The following KHDRBS3 variants were observed in gnomAD, a reference collection of about 807,000 sequenced individuals.
KHDRBS3 encodes KH RNA binding domain containing, signal transduction associated 3.
In KHDRBS3, 23 loss-of-function variants were observed where a neutral mutation model predicts 45.6. That is an observed-to-expected ratio of 0.50 (90% confidence interval 0.36 to 0.72). The LOEUF (loss-of-function observed/expected upper bound fraction) is 0.72. Ranked by LOEUF, KHDRBS3 falls within the 30% of genes least tolerant of loss-of-function variation. The pLI is 0.00. For synonymous variants in KHDRBS3, 162 were observed against 156.5 expected, an observed-to-expected ratio of 1.04 and a Z score of -0.26; for missense variants, 352 against 424.8, an observed-to-expected ratio of 0.83 and a Z score of 1.51.
intron 5 of KHDRBS3, among the ~76,000 whole-genome samples, chr8:135,565,950 G>A (rs765033935): frequency 7.9e-5 from 12 of 152,158 alleles, no homozygotes; most frequent in Non-Finnish European, 1.6e-4. Context: ...CCAAAGATTA[G>A]TTTTTTGCCT....
intron 7 of KHDRBS3, among the ~76,000 whole-genome samples, chr8:135,621,734 T>C (rs923300466): frequency 4.0e-5 from 6 of 150,016 alleles, no homozygotes; most frequent in African/African-American, 1.5e-4. Context: ...AGTGGTCCTA[T>C]GAAGAGATTG....
intron 6 of KHDRBS3, among the ~76,000 whole-genome samples, chr8:135,587,952 GT>G (rs1467780312): frequency 9.2e-5 from 14 of 152,294 alleles, no homozygotes; most frequent in African/African-American, 3.1e-4. Flanking sequence ...AAGGAAAACT[GT>G]TTCCTCTTTA....
At chr8:135,582,974 T>C (rs1828288030) in intron 6 of KHDRBS3, among the ~76,000 whole-genome samples, 1 of 152,228 alleles carries the variant, frequency 6.6e-6, no homozygotes, top group Admixed American at 6.5e-5. Flanking sequence ...TAAGTTTTTG[T>C]AATTCCCTGA....
At chr8:135,511,089 C>T (rs965675808) in intron 1 of KHDRBS3, among the ~76,000 whole-genome samples, 1 of 152,082 alleles carries the variant, frequency 6.6e-6, no homozygotes, top group East Asian at 1.9e-4. Flanking sequence ...TTTTCTCACC[C>T]CAAATCAAGA....
intron 7 of KHDRBS3, among the ~76,000 whole-genome samples, chr8:135,618,151 C>T (rs1829993911): frequency 1.3e-5 from 2 of 152,148 alleles, no homozygotes; most frequent in Non-Finnish European, 2.9e-5. Context: ...CATTGAGAGC[C>T]TTAAAAATAT....
At chr8:135,630,975 G>A (rs1182541789) in intron 7 of KHDRBS3, among the ~76,000 whole-genome samples, 3 of 151,992 alleles carry the variant, frequency 2.0e-5, no homozygotes, top group African/African-American at 7.3e-5. Flanking sequence ...TCGGCCGGGC[G>A]CGGTGGCTCA....
intron 2 of KHDRBS3, among the ~76,000 whole-genome samples, chr8:135,527,956 T>A (rs966332638): frequency 4.6e-5 from 7 of 152,218 alleles, no homozygotes; most frequent in African/African-American, 1.7e-4. Context: ...CATTTTCCAT[T>A]TTTTGGGCAA....
At chr8:135,545,788 A>G (rs1409512851) in intron 3 of KHDRBS3, among the ~76,000 whole-genome samples, 1 of 152,138 alleles carries the variant, frequency 6.6e-6, no homozygotes, top group East Asian at 1.9e-4. Context: ...CATTCTTTCA[A>G]AAGCATTTTA....
chr8:135,575,838 T>C (rs926454837), intron 5 of KHDRBS3, among the ~76,000 whole-genome samples: 1 of 152,224 alleles, frequency 6.6e-6, no homozygotes, highest in African/African-American at 2.4e-5. Context: ...TTATTGACAA[T>C]ACTGGCACAG....
At chr8:135,621,135 AG>A (rs557085724) in intron 7 of KHDRBS3, among the ~76,000 whole-genome samples, 1 of 106,750 alleles carries the variant, frequency 9.4e-6, no homozygotes, top group Admixed American at 1.1e-4. Flanking sequence ...CTTAAAAAAA[AG>A]GGGGGGAGGA....
At chr8:135,475,695 A>G (rs1023262383) in intron 1 of KHDRBS3, among the ~76,000 whole-genome samples, 1 of 152,128 alleles carries the variant, frequency 6.6e-6, no homozygotes, top group Non-Finnish European at 1.5e-5. Flanking sequence ...ATAATTATTA[A>G]TAATAATGAT....
chr8:135,479,605 C>T (rs1260714857), intron 1 of KHDRBS3, among the ~76,000 whole-genome samples: 1 of 152,182 alleles, frequency 6.6e-6, no homozygotes, highest in Non-Finnish European at 1.5e-5. Flanking sequence ...TATGTGTCCT[C>T]ACATGGTAGA....
chr8:135,494,306 T>C (rs1344995166), intron 1 of KHDRBS3, among the ~76,000 whole-genome samples: 1 of 131,044 alleles, frequency 7.6e-6, no homozygotes, highest in Non-Finnish European at 1.6e-5. Flanking sequence ...TGAGACAGAG[T>C]CTCACTCTGT....
At chr8:135,648,787 T>G (rs917887678), downstream of KHDRBS3, among the ~76,000 whole-genome samples, 2 of 152,156 alleles carry the variant, frequency 1.3e-5, no homozygotes, top group African/African-American at 4.8e-5. Flanking sequence ...CCCAGGAAGC[T>G]TCATTATAAG....
chr8:135,546,856 G>T (rs920437346), intron 3 of KHDRBS3, among the ~76,000 whole-genome samples: 6 of 152,066 alleles, frequency 3.9e-5, no homozygotes, highest in Non-Finnish European at 5.9e-5. Flanking sequence ...CTGTAGAGTA[G>T]TTTGGTAATA....
At chr8:135,589,180 T>C (rs553996905) in intron 6 of KHDRBS3, among the ~76,000 whole-genome samples, 1 of 152,276 alleles carries the variant, frequency 6.6e-6, no homozygotes, top group East Asian at 1.9e-4. Flanking sequence ...CAGACAGAGG[T>C]TGCCATAGCC....
chr8:135,535,176 A>G (rs1825672771), intron 2 of KHDRBS3, among the ~76,000 whole-genome samples: 1 of 151,268 alleles, frequency 6.6e-6, no homozygotes, highest in Non-Finnish European at 1.5e-5. Flanking sequence ...GTTGTGTGAA[A>G]ATCATATAGT....
intron 6 of KHDRBS3, among the ~76,000 whole-genome samples, chr8:135,584,219 C>T (rs1198270043): frequency 6.6e-6 from 1 of 152,236 alleles, no homozygotes; most frequent in Non-Finnish European, 1.5e-5. Context: ...AGTGCTCTTT[C>T]TGTCACATGG....
rs34118572 is a variant in KHDRBS3 at position 135,647,245 on chromosome 8, G to GAAAAA, written c.*172_*176dup. ...CTTTGTTGAAACATCAACCTGGGCA[G>GAAAAA]AAAAAAAAAAAAAAAGACATGTAAA... is the stretch of plus-strand genomic sequence containing the variant. On this transcript the variant is annotated 3_prime_UTR_variant, in exon 9 of 9. Transcript: ENST00000355849. The GAAAAA allele has an allele frequency of 2.1e-5, 4 of 194,194 alleles. No individual in the cohort carries two copies. The highest frequency in any genetic ancestry group is 6.6e-5 in the Admixed American group (1 of 15,102). The allele number at this position is 194,194 out of a possible 1,614,324, so 12.0% of individuals were successfully genotyped here. A position where few individuals can be genotyped will look rare whatever the true frequency, so the allele number is the denominator to read the frequency against.
Sources: allele counts gnomAD v4.1 joint callset (sites outside exome capture counted in the v4.1 genomes callset), GRCh38; gene constraint gnomAD v4.1.1; transcripts MANE v1.5; gene names NCBI Gene and HGNC (gene_info 2026-07-23, HGNC 2026-07-21).